Variants in SLC7A1 observed in about 807,000 individuals in gnomAD.
SLC7A1 encodes the protein solute carrier family 7 member 1, also known as high affinity cationic amino acid transporter 1.
SLC7A1 carries 10 observed loss-of-function variants against 53.9 expected under a neutral mutation model. The ratio of observed to expected loss-of-function variants is 0.19; its 90% CI spans 0.11 to 0.31. SLC7A1 has a LOEUF of 0.31. Among genes scored for constraint, SLC7A1 ranks in the 10% least tolerant of loss-of-function variants. The pLI is 1.00. For synonymous variants in SLC7A1, 342 were observed against 338.7 expected (o/e 1.01, Z -0.11); for missense variants, 525 against 827.2 (o/e 0.63, Z 4.48).
intron 5 of SLC7A1, among the ~76,000 whole-genome samples, chr13:29,528,154 G>A (rs1460229757): frequency 6.6e-6 from 1 of 152,244 alleles, no homozygotes; most frequent in African/African-American, 2.4e-5. Flanking sequence ...CGACAAGCTG[G>A]ACTGACCAAC....
At chr13:29,530,048 C>G (rs911474604) in intron 5 of SLC7A1, among the ~76,000 whole-genome samples, 1 of 152,218 alleles carries the variant, frequency 6.6e-6, no homozygotes, top group Non-Finnish European at 1.5e-5. Context: ...TGCTCACATT[C>G]TGACACTTCA....
intron 2 of SLC7A1, among the ~76,000 whole-genome samples, chr13:29,545,414 C>G (rs573573251): frequency 6.6e-6 from 1 of 152,194 alleles, no homozygotes; most frequent in South Asian, 2.1e-4. Flanking sequence ...GGCCCAAATT[C>G]ATTGTGTTCA....
At chr13:29,530,054 C>T (rs1033621708) in intron 5 of SLC7A1, among the ~76,000 whole-genome samples, 3 of 152,198 alleles carry the variant, frequency 2.0e-5, no homozygotes, top group Non-Finnish European at 2.9e-5. Flanking sequence ...CATTCTGACA[C>T]TTCAGTCATT....
intron 1 of SLC7A1, among the ~76,000 whole-genome samples, chr13:29,576,395 CA>C (rs1469118582): frequency 6.6e-6 from 1 of 151,162 alleles, no homozygotes; most frequent in Non-Finnish European, 1.5e-5. Context: ...AATTTTCTAA[CA>C]GCAGAGAACT....
intron 6 of SLC7A1, 130 bp from the exon 7 acceptor site, chr13:29,523,618 G>C: frequency 1.5e-6 from 1 of 679,086 alleles, no homozygotes; most frequent in South Asian, 1.8e-5. Flanking sequence ...CCAGCACTCA[G>C]CCCTGTGGGC....
chr13:29,577,415 G>A (rs560308261), intron 1 of SLC7A1, among the ~76,000 whole-genome samples: 1 of 152,350 alleles, frequency 6.6e-6, no homozygotes, highest in East Asian at 1.9e-4. Context: ...GGGTTGGTGA[G>A]GCTGTGGAGG....
At chr13:29,517,850 A>G in intron 9 of SLC7A1, 60 bp from the exon 10 acceptor site, 1 of 1,376,938 alleles carries the variant, frequency 7.3e-7, no homozygotes, top group South Asian at 1.2e-5. Context: ...ACGTGCACCA[A>G]CTCAAGTTCT....
chr13:29,583,748 T>C (rs1184972338), intron 1 of SLC7A1, among the ~76,000 whole-genome samples: 1 of 152,214 alleles, frequency 6.6e-6, no homozygotes, highest in Non-Finnish European at 1.5e-5. Flanking sequence ...TTAGATCTGA[T>C]AATTTTCTAA....
At chr13:29,547,228 T>C (rs1257673494) in intron 2 of SLC7A1, among the ~76,000 whole-genome samples, 1 of 152,218 alleles carries the variant, frequency 6.6e-6, no homozygotes, top group Non-Finnish European at 1.5e-5. Flanking sequence ...ATGAAGCCCA[T>C]TATTATTCAT....
chr13:29,556,990 G>A (rs1378307098), intron 1 of SLC7A1, among the ~76,000 whole-genome samples: 1 of 152,232 alleles, frequency 6.6e-6, no homozygotes, highest in African/African-American at 2.4e-5. Context: ...AGAAAGGCAT[G>A]CCATATGTTA....
chr13:29,590,879 G>T (rs1482120386), intron 1 of SLC7A1, among the ~76,000 whole-genome samples: 2 of 152,146 alleles, frequency 1.3e-5, no homozygotes, highest in Non-Finnish European at 2.9e-5. Context: ...CGAGGCAGGT[G>T]GATCACTTGA....
intron 1 of SLC7A1, among the ~76,000 whole-genome samples, chr13:29,593,218 A>T (rs1344985871): frequency 6.6e-6 from 1 of 152,210 alleles, no homozygotes; most frequent in East Asian, 1.9e-4. Context: ...CATCTCATTA[A>T]TACAGCAACT....
chr13:29,522,997 A>C (rs896227340), intron 7 of SLC7A1, among the ~76,000 whole-genome samples: 4 of 152,224 alleles, frequency 2.6e-5, no homozygotes, highest in African/African-American at 4.8e-5. Flanking sequence ...GGCCAGATTT[A>C]GGGACAGAGA....
At chr13:29,544,305 T>C (rs1482468693) in intron 2 of SLC7A1, among the ~76,000 whole-genome samples, 1 of 152,200 alleles carries the variant, frequency 6.6e-6, no homozygotes, top group East Asian at 1.9e-4. Context: ...AAATATTAAC[T>C]GAGATTATAC....
intron 1 of SLC7A1, among the ~76,000 whole-genome samples, chr13:29,563,510 G>C (rs1307637939): frequency 3.9e-5 from 6 of 152,204 alleles, no homozygotes; most frequent in Admixed American, 1.3e-4. Context: ...GAACCAGATA[G>C]GAGAATAACT....
chr13:29,511,676 G>A lies in SLC7A1; in HGVS notation c.*2804C>T, dbSNP rs1041452449. On this transcript the variant is annotated 3_prime_UTR_variant, in exon 13 of 13. Coordinates refer to ENST00000380752, the MANE Select transcript of SLC7A1 (RefSeq NM_003045.5). ...CTCTTCAGCAGAGGTCCTGAGGCAGGGGGGTGGAGATCTGCTGGGTTTGCT... is the reference window on the plus strand; with the variant it reads ...CTCTTCAGCAGAGGTCCTGAGGCAGAGGGGTGGAGATCTGCTGGGTTTGCT... 8 of 152,244 alleles carry A rather than the reference G, an allele frequency of 5.3e-5. No individual in the cohort carries two copies. Among genetic ancestry groups the A allele is most frequent in the African/African-American group, 1.2e-4 (5 of 41,442 alleles). 9.4% of individuals were successfully genotyped at this position (152,244 alleles called of 1,614,324 possible). A position where few individuals can be genotyped will look rare whatever the true frequency, so the allele number is the denominator to read the frequency against.
In SLC7A1 at chr13:29,595,613, T is replaced by C. The variant is rs1377125596; in HGVS notation, c.-312A>G. The C allele has an allele frequency of 6.6e-6, 1 of 150,828 alleles. No individual in the cohort carries two copies. Among genetic ancestry groups the C allele is most frequent in the Non-Finnish European group, 1.5e-5 (1 of 67,844 alleles). The allele number at this position is 150,828 out of a possible 1,614,324, so 9.3% of individuals were successfully genotyped here. The stretch of plus-strand genomic sequence containing the variant: ...CGCGCCTGCCAGGTAGTTGACCCGC[T>C]GCTCACACCTGCCTGCGCGGACTGA... On this transcript the variant is annotated 5_prime_UTR_variant, in exon 1 of 13. Coordinates refer to ENST00000380752, the MANE Select transcript of SLC7A1 (RefSeq NM_003045.5).
intron 1 of SLC7A1, among the ~76,000 whole-genome samples, chr13:29,589,535 C>T (rs1407130273): frequency 6.6e-6 from 1 of 152,238 alleles, no homozygotes; most frequent in African/African-American, 2.4e-5. Context: ...CCCCAGGGCT[C>T]CAGCTGTGCC....
intron 3 of SLC7A1, among the ~76,000 whole-genome samples, chr13:29,534,269 G>A (rs1869306612): frequency 1.3e-5 from 2 of 152,186 alleles, no homozygotes; most frequent in Non-Finnish European, 2.9e-5. Flanking sequence ...CATGCAAATG[G>A]TTTCACACAA....
Sources: allele counts gnomAD v4.1 joint callset (sites outside exome capture counted in the v4.1 genomes callset), GRCh38; gene constraint gnomAD v4.1.1; transcripts MANE v1.5; gene names NCBI Gene and HGNC (gene_info 2026-07-23, HGNC 2026-07-21).